XRCC4: variants seen among roughly 807,000 people sequenced by gnomAD.
XRCC4 encodes DNA repair protein XRCC4.
Under a neutral mutation model 39.1 loss-of-function variants are expected in XRCC4, and 28 were observed. That is an observed-to-expected ratio of 0.72 (90% CI 0.53 to 0.98). XRCC4 has a LOEUF of 0.98. Ranked by LOEUF, XRCC4 falls within the 50% of genes least tolerant of loss-of-function variation. The pLI is 0.00. For synonymous variants in XRCC4, 123 were observed against 126.4 expected (o/e 0.97, Z 0.18); for missense variants, 350 against 376.4 (o/e 0.93, Z 0.58).
intron 6 of XRCC4, 29 bp from the exon 7 acceptor site, chr5:83,258,501 G>T: frequency 1.3e-6 from 2 of 1,598,746 alleles, no homozygotes; most frequent in Non-Finnish European, 1.7e-6. Context: ...AATTTTGTTG[G>T]GTCACATTCT....
Position 83,353,339 on chromosome 5 carries a change from C to A in XRCC4, c.*97C>A. 1 of 922,068 alleles carries A rather than the reference C, an allele frequency of 1.1e-6. No individual in the cohort carries two copies. The highest frequency in any genetic ancestry group is 1.6e-6 in the Non-Finnish European group (1 of 613,494). The allele number at this position is 922,068 out of a possible 1,614,324, so 57.1% of individuals were successfully genotyped here. A position where few individuals can be genotyped will look rare whatever the true frequency, so the allele number is the denominator to read the frequency against. ...ATTTCAAGTCAGCAGCCGCTATTAC[C>A]GTATCTTACAATTTAATTACATACA... is the stretch of plus-strand genomic sequence containing the variant. On this transcript the variant is annotated 3_prime_UTR_variant, in exon 8 of 8. Coordinates refer to ENST00000396027, the MANE Select transcript of XRCC4 (RefSeq NM_003401.5).
At chr5:83,245,841 T>C (rs1390869748) in intron 6 of XRCC4, among the ~76,000 whole-genome samples, 4 of 139,882 alleles carry the variant, frequency 2.9e-5, no homozygotes, top group African/African-American at 1.0e-4. Flanking sequence ...ACTCCCCCCC[T>C]CCATCTGTAC....
At chr5:83,198,622 T>A (rs1169996772) in intron 4 of XRCC4, among the ~76,000 whole-genome samples, 3 of 152,180 alleles carry the variant, frequency 2.0e-5, no homozygotes, top group Non-Finnish European at 4.4e-5. Flanking sequence ...GTTTTAGTAT[T>A]TAAATATGTA....
Position 83,195,837 on chromosome 5 carries a change from G to A in XRCC4, c.383G>A (p.Cys128Tyr). ...GCTGAAGTCATTAGAGAACTTATTTGTTATTGCTTGGACACCATTGCAGAA... is the reference window on the plus strand; with the variant it reads ...GCTGAAGTCATTAGAGAACTTATTTATTATTGCTTGGACACCATTGCAGAA... ...NPAEVIRELI[C>Y]YCLDTIAENQ... Residue 128 changes from cysteine to tyrosine, a missense_variant, in exon 4 of 8, where the codon TGT becomes TAT. Transcript: ENST00000396027. The A allele has an allele frequency of 1.2e-6, 2 of 1,612,054 alleles. No individual in the cohort carries two copies. Among genetic ancestry groups the A allele is most frequent in the South Asian group, 1.1e-5 (1 of 90,828 alleles).
the XRCC4 span, among the ~76,000 whole-genome samples, chr5:83,363,151 G>A: frequency 6.6e-6 from 1 of 152,186 alleles, no homozygotes; most frequent in Non-Finnish European, 1.5e-5. Context: ...ACTGGGAGAA[G>A]CGGCCATGCC....
chr5:83,245,283 C>T (rs1753059484), intron 6 of XRCC4, among the ~76,000 whole-genome samples: 1 of 151,168 alleles, frequency 6.6e-6, no homozygotes. Context: ...ACCCTGTTTT[C>T]TTTATTACAA....
chr5:83,183,448 GT>G (rs1750295058), intron 3 of XRCC4, among the ~76,000 whole-genome samples: 2 of 145,802 alleles, frequency 1.4e-5, no homozygotes, highest in Non-Finnish European at 3.0e-5. Flanking sequence ...GTGTGTGTGT[GT>G]GTGTGGCACA....
chr5:83,149,879 G>A (rs1163584051), intron 3 of XRCC4, among the ~76,000 whole-genome samples: 1 of 152,020 alleles, frequency 6.6e-6, no homozygotes, highest in Non-Finnish European at 1.5e-5. Context: ...GATTACTGAG[G>A]TTTGGCTGGC....
chr5:83,308,437 T>C (rs1755566093), intron 7 of XRCC4, among the ~76,000 whole-genome samples: 1 of 152,106 alleles, frequency 6.6e-6, no homozygotes, highest in South Asian at 2.1e-4. Context: ...CTTTTAACCA[T>C]TTATATTTTG....
At chr5:83,257,197 G>A (rs1022935374) in intron 6 of XRCC4, among the ~76,000 whole-genome samples, 12 of 151,848 alleles carry the variant, frequency 7.9e-5, no homozygotes, top group African/African-American at 2.9e-4. Context: ...AAATTACACA[G>A]TAAAAATAAC....
At chr5:83,117,665 GTGTGTGTGTATGTATGTA>G (rs1420211019) in intron 3 of XRCC4, among the ~76,000 whole-genome samples, 3 of 111,844 alleles carry the variant, frequency 2.7e-5, no homozygotes, top group African/African-American at 1.2e-4. Flanking sequence ...GTGTGTGTGT[GTGTGTGTGTATGTATGTA>G]TATGTATGTA....
At chr5:83,238,281 T>G (rs773695673) in intron 6 of XRCC4, among the ~76,000 whole-genome samples, 10 of 152,338 alleles carry the variant, frequency 6.6e-5, no homozygotes, top group Non-Finnish European at 1.2e-4. Context: ...AGATAATGTA[T>G]GTATGATTTA....
intron 6 of XRCC4, among the ~76,000 whole-genome samples, chr5:83,218,428 T>C (rs1338905651): frequency 6.6e-6 from 1 of 151,966 alleles, no homozygotes; most frequent in African/African-American, 2.4e-5. Flanking sequence ...GGAAGGTATC[T>C]AAAGAAAACA....
chr5:83,110,990 A>G (rs1746414624), intron 2 of XRCC4, 38 bp from the exon 3 acceptor site: 1 of 1,568,590 alleles, frequency 6.4e-7, no homozygotes, highest in South Asian at 1.2e-5. Flanking sequence ...GTAGTCATTT[A>G]CTTTTCATTT....
chr5:83,260,563 G>A (rs1270687402), intron 7 of XRCC4, among the ~76,000 whole-genome samples: 3 of 152,048 alleles, frequency 2.0e-5, no homozygotes, highest in Non-Finnish European at 2.9e-5. Context: ...CAAAGGTAAG[G>A]TTTTAGGTTG....
chr5:83,212,309 T>C (rs1185541418), intron 6 of XRCC4, among the ~76,000 whole-genome samples: 1 of 151,956 alleles, frequency 6.6e-6, no homozygotes, highest in Non-Finnish European at 1.5e-5. Context: ...GTGTAATAAC[T>C]GAAATGAGAA....
chr5:83,275,296 GTTT>G (rs59794451), intron 7 of XRCC4, among the ~76,000 whole-genome samples: 2 of 141,518 alleles, frequency 1.4e-5, no homozygotes, highest in African/African-American at 2.6e-5. Flanking sequence ...GCTAGGTTAG[GTTT>G]TTTTTTTTTT....
intron 3 of XRCC4, among the ~76,000 whole-genome samples, chr5:83,121,777 CTT>C (rs1343772320): frequency 1.3e-5 from 2 of 152,194 alleles, no homozygotes; most frequent in Non-Finnish European, 2.9e-5. Context: ...TTTTGCCTAA[CTT>C]GTTGCAGACT....
At chr5:83,332,238 C>G (rs2112170152) in intron 7 of XRCC4, among the ~76,000 whole-genome samples, 1 of 150,108 alleles carries the variant, frequency 6.7e-6, no homozygotes, top group South Asian at 2.1e-4. Flanking sequence ...CACACACACA[C>G]ACACACACAC....
Sources: allele counts gnomAD v4.1 joint callset (sites outside exome capture counted in the v4.1 genomes callset), GRCh38; gene constraint gnomAD v4.1.1; transcripts MANE v1.5; gene names NCBI Gene and HGNC (gene_info 2026-07-23, HGNC 2026-07-21).